PARL: variants seen among roughly 807,000 people sequenced by gnomAD.
PARL encodes presenilin associated rhomboid like, also known as presenilin-associated rhomboid-like protein, mitochondrial.
In PARL, 44 loss-of-function variants were observed where a neutral mutation model predicts 51.6. The observed-to-expected ratio is 0.85, with a 90% CI of 0.67 to 1.10. The LOEUF (loss-of-function observed/expected upper bound fraction) is 1.10. Ranked by LOEUF, PARL falls within the 50% of genes least tolerant of loss-of-function variation. The pLI is 0.00. For synonymous variants in PARL, 172 were observed against 164.0 expected (o/e 1.05, Z -0.37); for missense variants, 441 against 469.5 (o/e 0.94, Z 0.56).
At chr3:183,880,525 C>G (rs1734323317) in intron 1 of PARL, among the ~76,000 whole-genome samples, 1 of 152,080 alleles carries the variant, frequency 6.6e-6, no homozygotes, top group Non-Finnish European at 1.5e-5. Context: ...CCTCAGCCTC[C>G]CAAGTAGCTG....
At chr3:183,836,061 T>C (rs1728535693) in intron 7 of PARL, among the ~76,000 whole-genome samples, 1 of 151,346 alleles carries the variant, frequency 6.6e-6, no homozygotes, top group South Asian at 2.1e-4. Context: ...CTGCTAAAAA[T>C]ACAAAATTAG....
intron 1 of PARL, among the ~76,000 whole-genome samples, chr3:183,873,514 G>A (rs1733453378): frequency 6.6e-6 from 1 of 150,630 alleles, no homozygotes; most frequent in African/African-American, 2.4e-5. Context: ...ACTCCAGTGT[G>A]AGAGCTCCTG....
chr3:183,882,150 G>A (rs1244875461), intron 1 of PARL, among the ~76,000 whole-genome samples: 1 of 146,040 alleles, frequency 6.8e-6, no homozygotes, highest in Non-Finnish European at 1.5e-5. Flanking sequence ...GTTGCAGTGA[G>A]CTGAGATCGT....
intron 4 of PARL, among the ~76,000 whole-genome samples, chr3:183,849,003 T>C (rs1730269400): frequency 6.6e-6 from 1 of 151,974 alleles, no homozygotes; most frequent in African/African-American, 2.4e-5. Context: ...CATCAAGAAA[T>C]AGCAATTAGA....
rs201844901 is a variant in PARL, at chr3:183,836,728, AT to A, written c.829-2904del. Among the ~76,000 whole-genome samples the A allele has an allele frequency of 7.3e-3, 1,105 of 151,536 alleles. 7 individuals are homozygous for A. Among genetic ancestry groups the A allele is most frequent in the South Asian group, 0.014 (67 of 4,794 alleles). On this transcript the variant is annotated intron_variant, in intron 7 of 9. Transcript: ENST00000317096. ...TACCTGTAATCAATATGCACATCTGATTTTTTTTTACTTATTTCATAAACAT... is the reference window on the plus strand; with the variant it reads ...TACCTGTAATCAATATGCACATCTGATTTTTTTTACTTATTTCATAAACAT...
At chr3:183,872,219 C>G (rs536146359) in intron 1 of PARL, among the ~76,000 whole-genome samples, 1 of 152,062 alleles carries the variant, frequency 6.6e-6, no homozygotes, top group Non-Finnish European at 1.5e-5. Flanking sequence ...TCAGGCTGGT[C>G]GCGAACTCCT....
rs534318418 is a variant in PARL at position 183,880,868 on chromosome 3, G to A, written c.125+3854C>T. On this transcript the variant is annotated intron_variant, in intron 1 of 9. Transcript: ENST00000317096. The stretch of plus-strand genomic sequence containing the variant: ...TTGCACTCTCTCACTCAGGCTGGAG[G>A]ACAGTGGCGCCCTCATAGCTCACAG... Among the ~76,000 whole-genome samples, 3 of 152,034 alleles carry A rather than the reference G, an allele frequency of 2.0e-5. 1 individual carries two copies. In the South Asian group the frequency reaches 6.2e-4, roughly 32 times the overall value.
At chr3:183,879,654 G>T in intron 1 of PARL, 1 of 614,732 alleles carries the variant, frequency 1.6e-6, no homozygotes, top group Non-Finnish European at 2.0e-6. Context: ...TTTAGATGTA[G>T]TATGTTTATT....
At chr3:183,862,388 G>C (rs554955111) in intron 4 of PARL, among the ~76,000 whole-genome samples, 112 of 152,298 alleles carry the variant, frequency 7.4e-4, no homozygotes, top group Non-Finnish European at 1.3e-3. Context: ...TACTCTGTAA[G>C]CAACTCCAAG....
At chr3:183,855,928 C>T (rs1289863846) in intron 4 of PARL, among the ~76,000 whole-genome samples, 1 of 151,474 alleles carries the variant, frequency 6.6e-6, no homozygotes, top group Non-Finnish European at 1.5e-5. Flanking sequence ...TACATTCTAG[C>T]CTGGGTGACA....
intron 4 of PARL, among the ~76,000 whole-genome samples, chr3:183,862,424 T>G (rs1731946236): frequency 6.6e-6 from 1 of 150,906 alleles, no homozygotes; most frequent in Non-Finnish European, 1.5e-5. Context: ...TATTACAGCA[T>G]CCTGAATATA....
At chr3:183,869,462 C>A (rs1049685718) in intron 1 of PARL, among the ~76,000 whole-genome samples, 1 of 152,050 alleles carries the variant, frequency 6.6e-6, no homozygotes, top group African/African-American at 2.4e-5. Context: ...CCCGCATTGG[C>A]CTCCCAAAGT....
chr3:183,868,066 G>C lies in PARL; in HGVS notation c.126-6C>G. ...GTTGAATAAAGAAGTTAAACCTATGGGGCAAAAATAACAGATGAGAAACAC... is the reference window on the plus strand; with the variant it reads ...GTTGAATAAAGAAGTTAAACCTATGCGGCAAAAATAACAGATGAGAAACAC... On this transcript the variant is annotated splice_polypyrimidine_tract_variant and splice_region_variant and intron_variant, in intron 1 of 9. Transcript: ENST00000317096. 1 of 1,610,818 alleles carries C rather than the reference G, an allele frequency of 6.2e-7. No individual in the cohort carries two copies. Among genetic ancestry groups the C allele is most frequent in the Non-Finnish European group, 8.5e-7 (1 of 1,177,048 alleles).
intron 4 of PARL, among the ~76,000 whole-genome samples, chr3:183,861,921 G>A (rs915357183): frequency 7.2e-5 from 11 of 152,026 alleles, no homozygotes; most frequent in Admixed American, 1.3e-4. Flanking sequence ...CCCCAGGCAC[G>A]CACCACCACA....
At position 183,840,693 on chromosome 3, in the gene PARL, CT is replaced by C. The variant is rs1463253185; in HGVS notation, c.758-54del. On this transcript the variant is annotated intron_variant, in intron 6 of 9. Transcript: ENST00000317096. ...TTAAGTGAGGTATAAAAATGGTTTA[CT>C]TTTTTTTTTCTTTTCTTTTTTTTTT... The C allele has an allele frequency of 1.3e-3, 960 of 733,044 alleles. 1 individual carries two copies. The highest frequency in any genetic ancestry group is 1.6e-3 in the Non-Finnish European group (721 of 452,200). 45.4% of individuals were successfully genotyped at this position (733,044 alleles called of 1,614,324 possible). A position where few individuals can be genotyped will look rare whatever the true frequency, so the allele number is the denominator to read the frequency against.
intron 1 of PARL, among the ~76,000 whole-genome samples, chr3:183,868,450 C>T (rs920285719): frequency 6.6e-6 from 1 of 151,984 alleles, no homozygotes; most frequent in African/African-American, 2.4e-5. Context: ...ACGATTACTC[C>T]CTCCCTCTGT....
chr3:183,876,873 C>G (rs931662975), intron 1 of PARL, among the ~76,000 whole-genome samples: 3 of 152,042 alleles, frequency 2.0e-5, no homozygotes, highest in African/African-American at 7.2e-5. Context: ...TTGAGGGGCT[C>G]AAGACTTGAG....
rs1235789275 is a variant in PARL, at chr3:183,866,633, T to G, written c.454A>C (p.Arg152=). The part of the protein sequence containing the change: ...SIRPQKEGDF[R]KEINKWWNNL... ...GCAGTGTTTATCTTTACCTCCTTTCTGAAGTCTCCTTCTTTTTGTGGTCTT... is the reference window on the plus strand; with the variant it reads ...GCAGTGTTTATCTTTACCTCCTTTCGGAAGTCTCCTTCTTTTTGTGGTCTT... The change falls in exon 3 of 10, where the codon AGA becomes CGA. Residue 152 remains arginine (R), a synonymous_variant. Transcript: ENST00000317096. 6.2e-7 allele frequency: 1 copy of G among 1,611,626 alleles called. No individual in the cohort carries two copies. The highest frequency in any genetic ancestry group is 8.5e-7 in the Non-Finnish European group (1 of 1,179,410).
intron 9 of PARL, among the ~76,000 whole-genome samples, chr3:183,830,923 A>G (rs946214355): frequency 6.6e-6 from 1 of 152,186 alleles, no homozygotes; most frequent in African/African-American, 2.4e-5. Context: ...AATTATAAAA[A>G]TTCTCCCCAA....
Sources: gnomAD v4.1 joint callset for allele counts (sites outside exome capture counted in the v4.1 genomes callset) on GRCh38, gnomAD v4.1.1 for gene constraint, MANE v1.5 for transcripts, NCBI Gene and HGNC (gene_info 2026-07-23, HGNC 2026-07-21) for gene names.